CENPP: variants seen among roughly 807,000 people sequenced by gnomAD.
The protein encoded by CENPP is centromere protein P.
A neutral mutation model predicts 35.6 loss-of-function variants in CENPP; 24 were observed. The ratio of observed to expected loss-of-function variants is 0.67; its 90% CI spans 0.49 to 0.95. The LOEUF is 0.95. CENPP is among the 40% of genes least tolerant of loss of function. The pLI is 0.00. For synonymous variants in CENPP, 120 were observed against 125.5 expected, an observed-to-expected ratio of 0.96 and a Z score of 0.29; for missense variants, 332 against 345.3, an observed-to-expected ratio of 0.96 and a Z score of 0.31.
At chr9:92,383,297 T>TG (rs931323508) in intron 5 of CENPP, among the ~76,000 whole-genome samples, 2 of 152,184 alleles carry the variant, frequency 1.3e-5, no homozygotes, top group African/African-American at 4.8e-5. Flanking sequence ...TCTCTTTATT[T>TG]GGGGGTCTCT....
intron 5 of CENPP, among the ~76,000 whole-genome samples, chr9:92,535,094 CT>C (rs924272411): frequency 6.7e-6 from 1 of 148,994 alleles, no homozygotes; most frequent in African/African-American, 2.5e-5. Context: ...ACCTCTCTTT[CT>C]TTTTTTCCCC....
chr9:92,485,032 C>T (rs1846022451), intron 5 of CENPP, among the ~76,000 whole-genome samples: 1 of 152,192 alleles, frequency 6.6e-6, no homozygotes. Flanking sequence ...GGTAAAGGTG[C>T]AGGCCTCAGG....
intron 4 of CENPP, among the ~76,000 whole-genome samples, chr9:92,375,692 ATT>A (rs1842109753): frequency 6.6e-6 from 1 of 151,922 alleles, no homozygotes; most frequent in East Asian, 1.9e-4. Context: ...TAAAATTTCT[ATT>A]TCTTTTAAAA....
chr9:92,507,649 G>A (rs1485675678), intron 5 of CENPP, among the ~76,000 whole-genome samples: 2 of 152,156 alleles, frequency 1.3e-5, no homozygotes, highest in Admixed American at 6.5e-5. Context: ...TTCCTGGCAG[G>A]CAGCATCACA....
intron 5 of CENPP, chr9:92,383,921 A>T (rs1842330395): frequency 1.3e-5 from 2 of 152,182 alleles, no homozygotes; most frequent in Admixed American, 1.3e-4. Context: ...GTCATTCAAG[A>T]TTATGATAGT....
chr9:92,440,343 G>GT (rs1844353594), intron 5 of CENPP, among the ~76,000 whole-genome samples: 1 of 95,142 alleles, frequency 1.1e-5, no homozygotes, highest in Admixed American at 1.1e-4. Context: ...TAGCTGATGA[G>GT]TTAAAATAAA....
chr9:92,451,719 C>G (rs1450596672), intron 5 of CENPP, among the ~76,000 whole-genome samples: 1 of 149,554 alleles, frequency 6.7e-6, no homozygotes, highest in East Asian at 2.0e-4. Context: ...ATTGATTCTT[C>G]CTACCCATGA....
Position 92,474,873 on chromosome 9 carries a change from A to G in CENPP, c.564+95014A>G, listed in dbSNP as rs186840940. The G allele has an allele frequency of 1.4e-5, 22 of 1,613,716 alleles. No homozygotes were observed. The South Asian group carries it at 1.5e-4, about 11-fold the overall frequency. On this transcript the variant is annotated intron_variant, in intron 5 of 7. Coordinates refer to ENST00000375587, the MANE Select transcript of CENPP (RefSeq NM_001012267.3). ...GGTTTGGCAGAGCACAAAGCCAGGA[A>G]TAATAGGAGCACATACTCCTTCATG...
At chr9:92,374,018 T>C (rs1307229031) in intron 4 of CENPP, among the ~76,000 whole-genome samples, 1 of 150,892 alleles carries the variant, frequency 6.6e-6, no homozygotes, top group East Asian at 1.9e-4. Flanking sequence ...TTTGCTTTTG[T>C]AAGGGAGGAC....
At chr9:92,364,038 T>C (rs1049439752) in intron 4 of CENPP, among the ~76,000 whole-genome samples, 4 of 151,988 alleles carry the variant, frequency 2.6e-5, no homozygotes, top group African/African-American at 9.7e-5. Flanking sequence ...TTGGTAGAGA[T>C]GGGTTTTTGC....
chr9:92,435,983 A>T (rs150798994), intron 5 of CENPP, among the ~76,000 whole-genome samples: 4 of 152,318 alleles, frequency 2.6e-5, no homozygotes, highest in African/African-American at 7.2e-5. Context: ...AAACCTGGCA[A>T]ACTATTTTCC....
In CENPP at chr9:92,612,751, A is replaced by G. The variant is rs1485147193; in HGVS notation, c.736+137A>G. ...TAATGTACTTTGTCTATCAATTTTT[A>G]AATATTTTTATCAATAATCACTCAA... is the stretch of plus-strand genomic sequence containing the variant. On this transcript the variant is annotated intron_variant, in intron 7 of 7. Transcript: ENST00000375587. 2.9e-5 allele frequency: 21 copies of G among 723,332 alleles called. No homozygotes were observed. The East Asian group carries it at 5.6e-4, about 19-fold the overall frequency. 44.8% of individuals were successfully genotyped at this position (723,332 alleles called of 1,614,324 possible).
At chr9:92,352,538 T>TATATAA (rs1464334295) in intron 4 of CENPP, among the ~76,000 whole-genome samples, 7 of 114,420 alleles carry the variant, frequency 6.1e-5, no homozygotes, top group African/African-American at 2.8e-4. Flanking sequence ...TATATATATA[T>TATATAA]AATATAACGG....
chr9:92,549,654 A>AAAAC (rs1563999116), intron 5 of CENPP, among the ~76,000 whole-genome samples: 2 of 143,218 alleles, frequency 1.4e-5, no homozygotes, highest in Non-Finnish European at 3.0e-5. Flanking sequence ...CTCAAAAAAA[A>AAAAC]AAAACAAAAC....
intron 2 of CENPP, among the ~76,000 whole-genome samples, chr9:92,335,104 A>T (rs1375897355): frequency 6.6e-6 from 1 of 152,112 alleles, no homozygotes; most frequent in East Asian, 1.9e-4. Flanking sequence ...CAGTGAGTGG[A>T]GATGGTGCCA....
At chr9:92,390,587 T>TGTGTGTGTGTGTGTGTGTGCGCGC (rs749697394) in intron 5 of CENPP, among the ~76,000 whole-genome samples, 9 of 141,914 alleles carry the variant, frequency 6.3e-5, no homozygotes, top group Non-Finnish European at 1.4e-4. Context: ...TGTGTGTGTG[T>TGTGTGTGTGTGTGTGTGTGCGCGC]GCGCGCGCGC....
chr9:92,514,487 C>T, intron 5 of CENPP: 1 of 1,085,754 alleles, frequency 9.2e-7, no homozygotes, highest in Non-Finnish European at 1.3e-6. Context: ...ATTGTCCAGG[C>T]TGGTCTCAAA....
In CENPP at chr9:92,614,752, T is replaced by C. The variant is rs1445915494; in HGVS notation, c.*1603T>C. The C allele has an allele frequency of 6.6e-6, 1 of 152,600 alleles. No individual in the cohort carries two copies. The highest frequency in any genetic ancestry group is 2.4e-5 in the African/African-American group (1 of 41,432). The allele number at this position is 152,600 out of a possible 1,614,324, so 9.5% of individuals were successfully genotyped here. On this transcript the variant is annotated 3_prime_UTR_variant, in exon 8 of 8. Coordinates refer to ENST00000375587, the MANE Select transcript of CENPP (RefSeq NM_001012267.3). ...ATAAATAAGTCTGTACAACCTAGCA[T>C]AGAATAAAAAACTGAAACCAAGATT...
chr9:92,449,570 C>T (rs570049519), intron 5 of CENPP, among the ~76,000 whole-genome samples: 2 of 149,142 alleles, frequency 1.3e-5, no homozygotes, highest in East Asian at 4.0e-4. Context: ...CTTTAAACAT[C>T]AGTGATATGG....
Sources: allele counts gnomAD v4.1 joint callset (sites outside exome capture counted in the v4.1 genomes callset), GRCh38; gene constraint gnomAD v4.1.1; transcripts MANE v1.5; gene names NCBI Gene and HGNC (gene_info 2026-07-23, HGNC 2026-07-21).